Variants in RAPGEF3 observed in about 807,000 individuals in gnomAD.
The protein encoded by RAPGEF3 is Rap guanine nucleotide exchange factor 3.
Under a neutral mutation model 129.8 loss-of-function variants are expected in RAPGEF3, and 103 were observed. The observed-to-expected ratio is 0.79, with a 90% confidence interval of 0.68 to 0.93. The LOEUF (loss-of-function observed/expected upper bound fraction) is 0.93, where lower values mean the gene tolerates loss of function less well. RAPGEF3 is among the 40% of genes least tolerant of loss of function. RAPGEF3 has a pLI of 0.00. For missense variants in RAPGEF3, 1,117 were observed against 1,207.4 expected (o/e 0.93, Z 1.11); for synonymous variants, 436 against 482.6 (o/e 0.90, Z 1.26).
intron 12 of RAPGEF3, 64 bp from the exon 13 acceptor site, chr12:47,748,216 A>G: frequency 1.5e-6 from 2 of 1,336,640 alleles, no homozygotes; most frequent in East Asian, 2.5e-5. Context: ...GCACAGGTGT[A>G]TGGACAGCTG....
chr12:47,753,615 A>C (rs1180776217), intron 2 of RAPGEF3, among the ~76,000 whole-genome samples: 1 of 152,228 alleles, frequency 6.6e-6, no homozygotes, highest in Non-Finnish European at 1.5e-5. Flanking sequence ...CTGGAGACTT[A>C]ACGACAGGAA....
At position 47,737,055 on chromosome 12, in the gene RAPGEF3, G is replaced by C. The variant is rs998183553; in HGVS notation, c.*512C>G. The C allele has an allele frequency of 6.0e-6, 1 of 166,520 alleles. No individual in the cohort carries two copies. Among genetic ancestry groups the C allele is most frequent in the African/African-American group, 2.4e-5 (1 of 41,582 alleles). 10.3% of individuals were successfully genotyped at this position (166,520 alleles called of 1,614,324 possible). ...ACAATAAAGCTCCTCAGGGACCACC[G>C]CACAGGCCCGCAGCCCCACTGCCTG... On this transcript the variant is annotated 3_prime_UTR_variant, in exon 28 of 28. Transcript: ENST00000449771.
intron 19 of RAPGEF3, 107 bp from the exon 20 acceptor site, chr12:47,741,147 G>A: frequency 7.3e-7 from 1 of 1,367,884 alleles, no homozygotes; most frequent in South Asian, 1.4e-5. Flanking sequence ...TAGGAGGAGG[G>A]TTAGGAGGGC....
rs977647714 is a variant in RAPGEF3 at position 47,737,286 on chromosome 12, G to A, written c.*281C>T. The A allele has an allele frequency of 2.0e-5, 9 of 451,366 alleles. No individual in the cohort carries two copies. Among genetic ancestry groups the A allele is most frequent in the African/African-American group, 6.0e-5 (3 of 50,126 alleles). The allele number at this position is 451,366 out of a possible 1,614,324, so 28.0% of individuals were successfully genotyped here. On this transcript the variant is annotated 3_prime_UTR_variant, in exon 28 of 28. Transcript: ENST00000449771. ...TGGAGACCTCTCTATTGCACACAACGTCCCAGCGCACTCCACTCTCCACCC... is the reference window on the plus strand; with the variant it reads ...TGGAGACCTCTCTATTGCACACAACATCCCAGCGCACTCCACTCTCCACCC...
Position 47,749,343 on chromosome 12 carries a change from T to C in RAPGEF3, c.1041+47A>G. ...GTCCCTACTCCTCTCTCCACATCAC[T>C]TCTCTGGACGAATGGCCCCTGCCCT... On this transcript the variant is annotated intron_variant, in intron 10 of 27. Coordinates refer to ENST00000449771, the MANE Select transcript of RAPGEF3 (RefSeq NM_001098531.4). This position sits in a 1 kb window ranked among gnomAD's most constrained non-coding sequence, Gnocchi z 4.5. 6.2e-7 allele frequency: 1 copy of C among 1,604,862 alleles called. No homozygotes were observed. The highest frequency in any genetic ancestry group is 1.1e-5 in the South Asian group (1 of 91,010).
In RAPGEF3 at chr12:47,739,783, C is replaced by G. The variant is rs142759231; in HGVS notation, c.2373+358G>C. 9.7e-6 allele frequency: 4 copies of G among 411,652 alleles called. No homozygotes were observed. In the East Asian group the frequency reaches 2.0e-4, roughly 20 times the overall value. The allele number at this position is 411,652 out of a possible 1,614,324, so 25.5% of individuals were successfully genotyped here. On this transcript the variant is annotated intron_variant, in intron 23 of 27. Coordinates refer to ENST00000449771, the MANE Select transcript of RAPGEF3 (RefSeq NM_001098531.4). ...GCAGACAGGCCCTGGTGCACACAGG[C>G]GCTCCATGCCAGGCCCTTGGGCTCT...
At chr12:47,747,171 C>T (rs560294772) in intron 15 of RAPGEF3, among the ~76,000 whole-genome samples, 38 of 152,286 alleles carry the variant, frequency 2.5e-4, no homozygotes, top group African/African-American at 7.9e-4. Flanking sequence ...GAGCTCCCAA[C>T]CCCCCTGAAT....
chr12:47,738,172 C>G, intron 26 of RAPGEF3, 21 bp downstream of exon 26: 1 of 1,613,816 alleles, frequency 6.2e-7, no homozygotes, highest in South Asian at 1.1e-5. Flanking sequence ...GACCTCCCAC[C>G]CCGGGGACCC....
chr12:47,744,770 C>G (rs1297618080), intron 16 of RAPGEF3: 1 of 152,774 alleles, frequency 6.5e-6, no homozygotes, highest in Admixed American at 6.5e-5. Flanking sequence ...CCCAGCTCTG[C>G]GTATAGCAGA....
At position 47,746,874 on chromosome 12, in the gene RAPGEF3, A is replaced by G; in HGVS notation, c.1582T>C (p.Ser528Pro). 6.3e-7 allele frequency: 1 copy of G among 1,599,984 alleles called. No homozygotes were observed. Among genetic ancestry groups the G allele is most frequent in the Non-Finnish European group, 8.5e-7 (1 of 1,175,820 alleles). The change falls in exon 16 of 28, where the codon TCT (serine) becomes CCT (proline). Residue 528 changes from serine (S) to proline (P), a missense_variant. Coordinates refer to ENST00000449771, the MANE Select transcript of RAPGEF3 (RefSeq NM_001098531.4). ...CAGGCAGACACCTTCATCTGAGGAG[A>G]TGCATTCCCACAGCCATTCTCCAAC... Reference protein sequence around the residue: ...HRLENGCGNASPQMKARNLPV... With the variant: ...HRLENGCGNAPPQMKARNLPV...
Position 47,741,469 on chromosome 12 carries a change from TCCTCCCTGGGCCCTGGCAC to T in RAPGEF3, c.1923+17_1923+35del. The T allele has an allele frequency of 1.3e-6, 2 of 1,572,676 alleles. No homozygotes were observed. Among genetic ancestry groups the T allele is most frequent in the Non-Finnish European group, 1.8e-6 (2 of 1,142,656 alleles). On this transcript the variant is annotated intron_variant, in intron 19 of 27. Transcript: ENST00000449771. The stretch of plus-strand genomic sequence containing the variant: ...ACCACTGCCACACTCAAAATAGATC[TCCTCCCTGGGCCCTGGCAC>T]CCTGCCTGGTCCCTACCAGCTCATG...
intron 6 of RAPGEF3, 60 bp from the exon 7 acceptor site, chr12:47,750,485 GCCACT>G: frequency 6.8e-7 from 1 of 1,468,246 alleles, no homozygotes; most frequent in Non-Finnish European, 9.3e-7. Context: ...GGTGCAGGGA[GCCACT>G]CCACCCACCC....
At chr12:47,737,785 C>T in intron 27 of RAPGEF3, 100 bp from the exon 28 acceptor site, 2 of 1,221,746 alleles carry the variant, frequency 1.6e-6, no homozygotes, top group Non-Finnish European at 2.4e-6. Flanking sequence ...TTGCCCTCCA[C>T]CACCCACCAA....
intron 12 of RAPGEF3, 37 bp downstream of exon 12, chr12:47,748,417 T>C: frequency 6.4e-7 from 1 of 1,574,136 alleles, no homozygotes; most frequent in Non-Finnish European, 8.7e-7. Context: ...GACCACCCAA[T>C]GAGTCAGAAA....
In RAPGEF3 at chr12:47,747,841, A is replaced by T; in HGVS notation, c.1344T>A (p.Gly448=). 1 of 1,604,126 alleles carries T rather than the reference A, an allele frequency of 6.2e-7. No homozygotes were observed. The highest frequency in any genetic ancestry group is 8.5e-7 in the Non-Finnish European group (1 of 1,179,926). The change falls in exon 14 of 28, where the codon GGT becomes GGA. Residue 448 remains glycine, a synonymous_variant. Transcript: ENST00000449771. ...AGGTGCTGCGCTCCTGCTCGCTGCCACCCGCAGGCTCCACATGGAAGGTGG... is the reference window on the plus strand; with the variant it reads ...AGGTGCTGCGCTCCTGCTCGCTGCCTCCCGCAGGCTCCACATGGAAGGTGG... ...LLHHFHVEPA[G]GSEQERSTYV...
In RAPGEF3 at chr12:47,741,044, CG is replaced by C. The variant is rs777464997; in HGVS notation, c.1924-5del. 6.2e-7 allele frequency: 1 copy of C among 1,611,684 alleles called. No individual in the cohort carries two copies. On this transcript the variant is annotated splice_region_variant and splice_polypyrimidine_tract_variant and intron_variant, in intron 19 of 27. Transcript: ENST00000449771. ...CCAGCTGGTCAGGGTGTGGGATCTGCGGGTGGGAGAGTGCTCAGGGGGCTGC... is the reference window on the plus strand; with the variant it reads ...CCAGCTGGTCAGGGTGTGGGATCTGCGGTGGGAGAGTGCTCAGGGGGCTGC...
In RAPGEF3 at chr12:47,735,683, G is replaced by T. The variant is rs1592526752; in HGVS notation, c.*1884C>A. The T allele has an allele frequency of 6.5e-6, 1 of 152,782 alleles. No homozygotes were observed. Among genetic ancestry groups the T allele is most frequent in the Non-Finnish European group, 1.5e-5 (1 of 68,378 alleles). 9.5% of individuals were successfully genotyped at this position (152,782 alleles called of 1,614,324 possible). On this transcript the variant is annotated 3_prime_UTR_variant, in exon 28 of 28. Coordinates refer to ENST00000449771, the MANE Select transcript of RAPGEF3 (RefSeq NM_001098531.4). ...TCAGGACGTAGATGTGACCAGAGGA[G>T]AAATGCTGGTGGAGGACACCGGCCC...
rs372675211 is a variant in RAPGEF3 at position 47,740,757 on chromosome 12, G to A, written c.2116C>T (p.Arg706Cys). 2.9e-5 allele frequency: 46 copies of A among 1,613,958 alleles called. No individual in the cohort carries two copies. The highest frequency in any genetic ancestry group is 8.0e-5 in the African/African-American group (6 of 74,942). Residue 706 changes from arginine to cysteine, a missense_variant, in exon 21 of 28, where the codon CGC becomes TGC. This residue lies in a region of RAPGEF3 where 643 missense variants were observed against 673.4 expected (regional missense o/e 0.95). Coordinates refer to ENST00000449771, the MANE Select transcript of RAPGEF3 (RefSeq NM_001098531.4). ...AGCTCATTGAAGCGGCGCATGAAGC[G>A]CTCCAGGTTGGCGGTGGTGACATCC... is the stretch of plus-strand genomic sequence containing the variant. ...LRDVTTANLERFMRRFNELQY... is the reference protein window; with the variant it reads ...LRDVTTANLECFMRRFNELQY...
chr12:47,748,784 G>T, intron 11 of RAPGEF3, 35 bp downstream of exon 11: 2 of 1,424,838 alleles, frequency 1.4e-6, no homozygotes, highest in Non-Finnish European at 2.0e-6. Context: ...TGAAAGGAGG[G>T]ACAGTGTGGA....
Sources: allele counts gnomAD v4.1 joint callset (sites outside exome capture counted in the v4.1 genomes callset), GRCh38; gene constraint gnomAD v4.1.1; regional missense constraint gnomAD v4.1.1; non-coding constraint Gnocchi (gnomAD v3.1); transcripts MANE v1.5; gene names NCBI Gene and HGNC (gene_info 2026-07-23, HGNC 2026-07-21).